CLCN3: variants seen among roughly 807,000 people sequenced by gnomAD.
CLCN3 encodes the protein H(+)/Cl(-) exchange transporter 3.
CLCN3 carries 16 observed loss-of-function variants against 83.4 expected under a neutral mutation model. The observed-to-expected ratio is 0.19, with a 90% CI of 0.13 to 0.29. CLCN3 has a LOEUF of 0.29. Ranked by LOEUF, CLCN3 falls within the 10% of genes least tolerant of loss-of-function variation. The probability of loss-of-function intolerance (pLI) is 1.00; values close to 1 mark genes in which losing one functional copy is unlikely to be tolerated. For missense variants in CLCN3, 544 were observed against 1,006.0 expected (o/e 0.54, Z 6.21); for synonymous variants, 322 against 346.2 (o/e 0.93, Z 0.78).
In CLCN3 at chr4:169,707,034, C is replaced by T. The variant is rs529294747; in HGVS notation, c.1917C>T (p.Tyr639=). 6.2e-7 allele frequency: 1 copy of T among 1,614,114 alleles called. No homozygotes were observed. Among genetic ancestry groups the T allele is most frequent in the African/African-American group, 1.3e-5 (1 of 75,014 alleles). ...AAGCACACATCCGATTAAATGGATA[C>T]CCTTTCTTGGATGCAAAAGAAGAAT... ...IYEAHIRLNG[Y]PFLDAKEEFT... Residue 639 remains tyrosine, a synonymous_variant, in exon 11 of 13, where the codon TAC becomes TAT. Transcript: ENST00000513761.
chr4:169,668,128 A>G (rs1279746072), intron 2 of CLCN3, among the ~76,000 whole-genome samples: 1 of 145,910 alleles, frequency 6.9e-6, no homozygotes, highest in African/African-American at 2.6e-5. Flanking sequence ...TCATATGAGT[A>G]ATATAATGCA....
At chr4:169,629,921 C>G (rs1159008260) in intron 1 of CLCN3, among the ~76,000 whole-genome samples, 1 of 152,124 alleles carries the variant, frequency 6.6e-6, no homozygotes, top group Non-Finnish European at 1.5e-5. Context: ...TATTTACATG[C>G]TTTGTGCCTC....
intron 1 of CLCN3, among the ~76,000 whole-genome samples, chr4:169,625,006 G>A (rs1239457085): frequency 6.6e-6 from 1 of 152,030 alleles, no homozygotes; most frequent in African/African-American, 2.4e-5. Context: ...TGGCCAGGCT[G>A]GTCTTGAACT....
chr4:169,626,271 T>C (rs1773232556), intron 1 of CLCN3, among the ~76,000 whole-genome samples: 1 of 152,166 alleles, frequency 6.6e-6, no homozygotes, highest in Non-Finnish European at 1.5e-5. Flanking sequence ...GCATGGAGCT[T>C]CCATGCCTTC....
At chr4:169,657,003 A>G (rs1212770554) in intron 2 of CLCN3, among the ~76,000 whole-genome samples, 1 of 152,202 alleles carries the variant, frequency 6.6e-6, no homozygotes, top group Admixed American at 6.5e-5. Context: ...ACATGGAAAC[A>G]TATGGAGAAG....
In CLCN3 at chr4:169,665,398, C is replaced by T. The variant is rs1156927397; in HGVS notation, c.161-14652C>T. ...TGAATGGCTGAACAAATTTTAATAG[C>T]GTATGCTTCTTTTTTGCTATTTATT... is the stretch of plus-strand genomic sequence containing the variant. On this transcript the variant is annotated intron_variant, in intron 2 of 12. Transcript: ENST00000513761. Among the ~76,000 whole-genome samples, 10 of 152,258 alleles carry T rather than the reference C, an allele frequency of 6.6e-5. No homozygotes were observed. The South Asian group carries it at 1.0e-3, about 16-fold the overall frequency.
At chr4:169,702,105 G>A (rs1732810289) in intron 9 of CLCN3, among the ~76,000 whole-genome samples, 1 of 152,174 alleles carries the variant, frequency 6.6e-6, no homozygotes, top group South Asian at 2.1e-4. Flanking sequence ...AGTTTCAGGT[G>A]TTTCTATCTA....
At chr4:169,681,022 T>C (rs565813192) in intron 3 of CLCN3, among the ~76,000 whole-genome samples, 9 of 152,304 alleles carry the variant, frequency 5.9e-5, no homozygotes, top group Non-Finnish European at 1.3e-4. Flanking sequence ...CTAGTTTTTA[T>C]ACAAAATACG....
chr4:169,699,396 A>G (rs1732690523), intron 9 of CLCN3, among the ~76,000 whole-genome samples: 2 of 152,198 alleles, frequency 1.3e-5, no homozygotes, highest in East Asian at 1.9e-4. Flanking sequence ...ATATCAGCTT[A>G]TTCTTGTTCT....
At chr4:169,650,854 T>A (rs1021067579) in intron 2 of CLCN3, among the ~76,000 whole-genome samples, 11 of 152,168 alleles carry the variant, frequency 7.2e-5, no homozygotes, top group African/African-American at 2.7e-4. Context: ...ATTATACTTA[T>A]ATGAGGGAGT....
intron 10 of CLCN3, 137 bp downstream of exon 10, chr4:169,704,321 A>G (rs774389928): frequency 8.4e-5 from 58 of 692,212 alleles, no homozygotes; most frequent in Non-Finnish European, 1.4e-4. Flanking sequence ...GTTTTAACAG[A>G]TAAGAAACAG....
intron 1 of CLCN3, among the ~76,000 whole-genome samples, chr4:169,631,283 T>A (rs1427927108): frequency 6.6e-6 from 1 of 151,900 alleles, no homozygotes; most frequent in Admixed American, 6.6e-5. Flanking sequence ...CCTTGCCTAC[T>A]TTTTTTGTTT....
chr4:169,656,737 G>A (rs1000053848), intron 2 of CLCN3, among the ~76,000 whole-genome samples: 1 of 152,092 alleles, frequency 6.6e-6, no homozygotes, highest in African/African-American at 2.4e-5. Context: ...ACAGTGTTGG[G>A]TGGGCCTGGA....
At chr4:169,676,928 C>T (rs1200033313) in intron 2 of CLCN3, among the ~76,000 whole-genome samples, 1 of 151,894 alleles carries the variant, frequency 6.6e-6, no homozygotes, top group African/African-American at 2.4e-5. Flanking sequence ...ATTGTGAAAC[C>T]ATAGCCTAAT....
At position 169,697,652 on chromosome 4, in the gene CLCN3, T is replaced by C. The variant is rs764429156; in HGVS notation, c.1481T>C (p.Ile494Thr). The C allele has an allele frequency of 4.3e-6, 7 of 1,613,688 alleles. No homozygotes were observed. Among genetic ancestry groups the C allele is most frequent in the Non-Finnish European group, 5.9e-6 (7 of 1,179,764 alleles). ...VDDIPDRPAG[I>T]GVYSAIWQLC... ...GACATTCCTGATCGTCCAGCAGGCA[T>C]TGGAGTATATTCAGCTATATGGCAG... is the stretch of plus-strand genomic sequence containing the variant. The change falls in exon 9 of 13, where the codon ATT (isoleucine) becomes ACT (threonine). Residue 494 changes from isoleucine to threonine, a missense_variant. Transcript: ENST00000513761.
intron 2 of CLCN3, among the ~76,000 whole-genome samples, chr4:169,676,997 G>A (rs10222938): frequency 0.17 from 25,112 of 151,660 alleles, 3,332 homozygotes; most frequent in African/African-American, 0.37. Context: ...AGATTAATCC[G>A]CCTAGTTCCA....
intron 9 of CLCN3, among the ~76,000 whole-genome samples, chr4:169,700,335 G>A (rs1732730930): frequency 6.6e-6 from 1 of 152,128 alleles, no homozygotes. Context: ...TTGGCTCACT[G>A]TAACCTCCAC....
At chr4:169,685,177 G>C (rs534242889) in intron 3 of CLCN3, among the ~76,000 whole-genome samples, 1 of 152,070 alleles carries the variant, frequency 6.6e-6, no homozygotes, top group African/African-American at 2.4e-5. Context: ...AAGTCCCTTG[G>C]AATAGTTTCT....
At chr4:169,696,879 G>T (rs1299462398) in intron 8 of CLCN3, among the ~76,000 whole-genome samples, 5 of 150,906 alleles carry the variant, frequency 3.3e-5, no homozygotes, top group Non-Finnish European at 5.9e-5. Flanking sequence ...GTTGGTGATG[G>T]TACATTTATT....
Sources: allele counts gnomAD v4.1 joint callset (sites outside exome capture counted in the v4.1 genomes callset), GRCh38; gene constraint gnomAD v4.1.1; transcripts MANE v1.5; gene names NCBI Gene and HGNC (gene_info 2026-07-23, HGNC 2026-07-21).